The following SERPINI1 variants were observed in gnomAD, a reference collection of about 807,000 sequenced individuals.
SERPINI1 encodes serpin family I member 1, also known as neuroserpin.
SERPINI1 carries 19 observed loss-of-function variants against 41.1 expected under a neutral mutation model. The ratio of observed to expected loss-of-function variants is 0.46; its 90% confidence interval spans 0.32 to 0.68. The LOEUF is 0.68. Ranked by LOEUF, SERPINI1 falls within the 30% of genes least tolerant of loss-of-function variation. SERPINI1 has a pLI of 0.03. For synonymous variants in SERPINI1, 138 were observed against 156.6 expected, an observed-to-expected ratio of 0.88 and a Z score of 0.89; for missense variants, 460 against 479.2, an observed-to-expected ratio of 0.96 and a Z score of 0.37.
intron 1 of SERPINI1, among the ~76,000 whole-genome samples, chr3:167,759,025 A>C (rs1726284555): frequency 1.3e-5 from 2 of 152,162 alleles, no homozygotes; most frequent in Admixed American, 1.3e-4. Context: ...TAGACACAGG[A>C]AATAGATTCC....
chr3:167,757,007 A>G (rs563277351), intron 1 of SERPINI1, among the ~76,000 whole-genome samples: 1 of 152,348 alleles, frequency 6.6e-6, no homozygotes, highest in East Asian at 1.9e-4. Flanking sequence ...GAGTAATAAA[A>G]CAGCTACAAA....
rs1172788769 is a variant in SERPINI1, at chr3:167,772,823, A to ACTCTCTCTCTCT, written c.-18-16257_-18-16246dup. Reference sequence around the variant, plus strand: ...ATTCCAGCCTGGGCAGTATCTTGAGACTCTCTCTCTCTCTCTCTCTCTCTC... The same window carrying ACTCTCTCTCTCT: ...ATTCCAGCCTGGGCAGTATCTTGAGACTCTCTCTCTCTCTCTCTCTCTCTCTCTCTCTCTCTC... On this transcript the variant is annotated intron_variant, in intron 1 of 8. Transcript: ENST00000446050. 2.2e-3 allele frequency among the ~76,000 whole-genome samples: 52 copies of ACTCTCTCTCTCT among 23,584 alleles called. 1 individual carries two copies. Among genetic ancestry groups the ACTCTCTCTCTCT allele is most frequent in the African/African-American group, 5.4e-3 (37 of 6,792 alleles). 15.5% of individuals were successfully genotyped at this position (23,584 alleles called of 152,430 possible).
intron 1 of SERPINI1, among the ~76,000 whole-genome samples, chr3:167,785,234 CTG>C (rs760476040): frequency 6.6e-6 from 1 of 152,126 alleles, no homozygotes; most frequent in Non-Finnish European, 1.5e-5. Context: ...CAGAGCGAGA[CTG>C]TGTCTCAAAA....
rs79002911 is a variant in SERPINI1 at position 167,786,528 on chromosome 3, G to T, written c.-18-2583G>T. Reference sequence around the variant, plus strand: ...GTCTCAAAAAAAAAAAAAAAAAAAAGACTTAAAGAAGATAAAATATGATGT... The same window carrying T: ...GTCTCAAAAAAAAAAAAAAAAAAAATACTTAAAGAAGATAAAATATGATGT... On this transcript the variant is annotated intron_variant, in intron 1 of 8. Transcript: ENST00000446050. Among the ~76,000 whole-genome samples the T allele has an allele frequency of 8.6e-5, 9 of 104,104 alleles. No individual in the cohort carries two copies. In the South Asian group the frequency reaches 1.3e-3, roughly 15 times the overall value. 68.3% of individuals were successfully genotyped at this position (104,104 alleles called of 152,430 possible).
chr3:167,810,471 A>G (rs965981192), intron 6 of SERPINI1, among the ~76,000 whole-genome samples: 9 of 152,172 alleles, frequency 5.9e-5, no homozygotes, highest in African/African-American at 1.7e-4. Flanking sequence ...TAAAAGTTAT[A>G]TTTACACTAT....
intron 1 of SERPINI1, among the ~76,000 whole-genome samples, chr3:167,775,163 T>TA (rs34146484): frequency 0.45 from 67,005 of 149,878 alleles, 15,947 homozygotes; most frequent in African/African-American, 0.61. Flanking sequence ...GTGTGTGTTC[T>TA]AGTAACTTCT....
In SERPINI1 at chr3:167,765,003, T is replaced by G. The variant is rs1354314938; in HGVS notation, c.-18-24108T>G. On this transcript the variant is annotated intron_variant, in intron 1 of 8. Transcript: ENST00000446050. ...TCTTGGGCAGCTCCACCCCTGTGAC[T>G]TTGCAGGGTACACCCTCCCTCCTAG... Among the ~76,000 whole-genome samples the G allele has an allele frequency of 2.0e-5, 3 of 152,288 alleles. No individual in the cohort carries two copies. In the South Asian group the frequency reaches 6.2e-4, roughly 32 times the overall value.
intron 1 of SERPINI1, among the ~76,000 whole-genome samples, chr3:167,783,850 C>T (rs1192589459): frequency 6.6e-6 from 1 of 152,200 alleles, no homozygotes; most frequent in Non-Finnish European, 1.5e-5. Context: ...GATCACTTAA[C>T]TGTGGATAGA....
chr3:167,800,443 G>C (rs1727862712), intron 5 of SERPINI1, among the ~76,000 whole-genome samples: 1 of 152,128 alleles, frequency 6.6e-6, no homozygotes. Flanking sequence ...TCTAAATTGA[G>C]TTTTTTAAAC....
At chr3:167,789,409 C>T (rs1409288432) in intron 2 of SERPINI1, 31 bp downstream of exon 2, 3 of 1,613,240 alleles carry the variant, frequency 1.9e-6, no homozygotes, top group Admixed American at 3.3e-5. Flanking sequence ...TTTCTCAAGA[C>T]TTTTGAATTT....
intron 1 of SERPINI1, among the ~76,000 whole-genome samples, chr3:167,770,245 C>A (rs193302417): frequency 6.6e-6 from 1 of 151,602 alleles, no homozygotes; most frequent in African/African-American, 2.4e-5. Context: ...TTTCCTGGAA[C>A]TTTTAAGTTT....
At chr3:167,780,393 G>A (rs1577413900) in intron 1 of SERPINI1, among the ~76,000 whole-genome samples, 1 of 152,240 alleles carries the variant, frequency 6.6e-6, no homozygotes, top group East Asian at 1.9e-4. Context: ...TTGTAAGGAA[G>A]GTTTTGATAG....
At chr3:167,794,497 A>G (rs1727648505) in intron 4 of SERPINI1, 123 bp from the exon 5 acceptor site, 4 of 679,874 alleles carry the variant, frequency 5.9e-6, no homozygotes, top group Non-Finnish European at 9.7e-6. Context: ...GTGATTTGTG[A>G]GATTTTGTTG....
At chr3:167,761,299 T>A (rs936423169) in intron 1 of SERPINI1, among the ~76,000 whole-genome samples, 1 of 152,246 alleles carries the variant, frequency 6.6e-6, no homozygotes, top group Non-Finnish European at 1.5e-5. Context: ...GGTTAAAAAC[T>A]TTATGGGCCT....
intron 1 of SERPINI1, among the ~76,000 whole-genome samples, chr3:167,740,230 C>T (rs564623978): frequency 3.4e-4 from 51 of 152,102 alleles, no homozygotes; most frequent in Non-Finnish European, 6.8e-4. Context: ...AAGGGTCTCA[C>T]TGTGTTGCCC....
Position 167,790,611 on chromosome 3 carries a change from C to T in SERPINI1, c.481+9C>T. On this transcript the variant is annotated intron_variant, in intron 3 of 8. Transcript: ENST00000446050. The stretch of plus-strand genomic sequence containing the variant: ...GGAGAATAACACAAACAGTATGTCA[C>T]TTGGTTCCTTTCTTCCTCTAGTAGC... 2 of 1,592,694 alleles carry T rather than the reference C, an allele frequency of 1.3e-6. No homozygotes were observed. Among genetic ancestry groups the T allele is most frequent in the African/African-American group, 2.7e-5 (2 of 74,544 alleles).
At chr3:167,793,860 G>GTC (rs1727622969) in intron 4 of SERPINI1, among the ~76,000 whole-genome samples, 2 of 151,366 alleles carry the variant, frequency 1.3e-5, no homozygotes, top group Non-Finnish European at 2.9e-5. Flanking sequence ...GTGTGTGTGT[G>GTC]TGTGTGTGTG....
Position 167,802,537 on chromosome 3 carries a change from C to CA in SERPINI1, c.882-4706dup, listed in dbSNP as rs201598924. On this transcript the variant is annotated intron_variant, in intron 5 of 8. Coordinates refer to ENST00000446050, the MANE Select transcript of SERPINI1 (RefSeq NM_001122752.2). ...AAACACATGAAAAAATGCTCACCATCACTGGCCATCAGAGAAATGCAAATC... is the reference window on the plus strand; with the variant it reads ...AAACACATGAAAAAATGCTCACCATCAACTGGCCATCAGAGAAATGCAAATC... Among the ~76,000 whole-genome samples, 85 of 151,968 alleles carry CA rather than the reference C, an allele frequency of 5.6e-4. 1 individual carries two copies. The East Asian group carries it at 0.014, about 26-fold the overall frequency.
intron 6 of SERPINI1, among the ~76,000 whole-genome samples, chr3:167,812,098 A>T (rs1433637040): frequency 1.3e-5 from 2 of 152,154 alleles, no homozygotes; most frequent in Non-Finnish European, 2.9e-5. Flanking sequence ...TTTTTATTCC[A>T]TGGCATCCAC....
Sources: gnomAD v4.1 joint callset for allele counts (sites outside exome capture counted in the v4.1 genomes callset) on GRCh38, gnomAD v4.1.1 for gene constraint, MANE v1.5 for transcripts, NCBI Gene and HGNC (gene_info 2026-07-23, HGNC 2026-07-21) for gene names.